The following SMG6 variants were observed in gnomAD, a reference collection of about 807,000 sequenced individuals.
The protein encoded by SMG6 is SMG6 nonsense mediated mRNA decay factor, also known as telomerase-binding protein EST1A.
A neutral mutation model predicts 142.2 loss-of-function variants in SMG6; 66 were observed. That is an observed-to-expected ratio of 0.46 (90% CI 0.38 to 0.57). SMG6 has a LOEUF of 0.57. SMG6 is among the 20% of genes least tolerant of loss of function. The pLI is 0.00. For missense variants in SMG6, 1,793 were observed against 1,832.0 expected, an observed-to-expected ratio of 0.98 and a Z score of 0.39; for synonymous variants, 779 against 702.4, an observed-to-expected ratio of 1.11 and a Z score of -1.72.
At chr17:2,281,618 C>T (rs1048610320) in intron 8 of SMG6, among the ~76,000 whole-genome samples, 1 of 152,176 alleles carries the variant, frequency 6.6e-6, no homozygotes, top group Non-Finnish European at 1.5e-5. Context: ...TACTCTTCTC[C>T]AAACATTTTA....
chr17:2,069,301 G>A (rs757331726), intron 15 of SMG6, among the ~76,000 whole-genome samples: 23 of 152,130 alleles, frequency 1.5e-4, no homozygotes, highest in Non-Finnish European at 1.6e-4. Context: ...GCCTACAGAG[G>A]AGGTACTTTT....
At chr17:2,116,818 T>C (rs551323038) in intron 13 of SMG6, among the ~76,000 whole-genome samples, 12 of 150,934 alleles carry the variant, frequency 8.0e-5, no homozygotes, top group East Asian at 2.0e-4. Context: ...CTATCCAACA[T>C]AGGACTTATA....
At position 2,187,743 on chromosome 17, in the gene SMG6, T is replaced by TA. The variant is rs35269327; in HGVS notation, c.2986+655dup. Among the ~76,000 whole-genome samples the TA allele has an allele frequency of 3.2e-3, 436 of 138,238 alleles. 2 individuals are homozygous for TA. The highest frequency in any genetic ancestry group is 7.0e-3 in the African/African-American group (263 of 37,678). The allele number at this position is 138,238 out of a possible 152,430, so 90.7% of individuals were successfully genotyped here. ...AAATAAAAAGTTGCCCTTCTGTCCC[T>TA]AAAAAAAAAAAAGGCAGCCTCCGAA... On this transcript the variant is annotated intron_variant, in intron 11 of 18. Transcript: ENST00000263073.
At chr17:2,152,737 A>G (rs2070865647) in intron 13 of SMG6, among the ~76,000 whole-genome samples, 1 of 152,372 alleles carries the variant, frequency 6.6e-6, no homozygotes, top group South Asian at 2.1e-4. Context: ...AATACGGTGC[A>G]GCCACTTTGT....
At chr17:2,279,716 G>T (rs1290781935) in intron 8 of SMG6, among the ~76,000 whole-genome samples, 1 of 152,082 alleles carries the variant, frequency 6.6e-6, no homozygotes, top group East Asian at 1.9e-4. Context: ...CTGGATGTGG[G>T]GACAGAGGAA....
intron 13 of SMG6, chr17:2,087,646 T>C: frequency 4.8e-5 from 48 of 997,094 alleles, no homozygotes; most frequent in Non-Finnish European, 5.6e-5. Context: ...AAGCTTGTCT[T>C]GGCCCAGGGC....
intron 8 of SMG6, among the ~76,000 whole-genome samples, chr17:2,258,060 C>T (rs202111724): frequency 0.35 from 33,034 of 95,338 alleles, 6,297 homozygotes; most frequent in East Asian, 0.63. Flanking sequence ...CACACACACA[C>T]ACACACATAT....
chr17:2,281,343 G>T (rs938452194), intron 8 of SMG6, among the ~76,000 whole-genome samples: 1 of 152,106 alleles, frequency 6.6e-6, no homozygotes, highest in African/African-American at 2.4e-5. Flanking sequence ...TGACCAGGCT[G>T]GTACTGAATT....
At chr17:2,303,586 A>AGGCGGGGCGGGCAGGCCCGGCCCAGG (rs2075340216) in intron 1 of SMG6, 47 bp downstream of exon 1, 2 of 1,373,058 alleles carry the variant, frequency 1.5e-6, no homozygotes, top group Non-Finnish European at 1.9e-6. Context: ...GAGGAGAGGG[A>AGGCGGGGCGGGCAGGCCCGGCCCAGG]GGCGGGGCGG....
At chr17:2,114,789 C>T (rs572041539) in intron 13 of SMG6, among the ~76,000 whole-genome samples, 37 of 151,628 alleles carry the variant, frequency 2.4e-4, no homozygotes, top group Admixed American at 7.2e-4. Flanking sequence ...ATCAGTTGGG[C>T]GTGGTGGCAG....
chr17:2,103,532 T>G (rs1246597578), intron 13 of SMG6, among the ~76,000 whole-genome samples: 1 of 152,228 alleles, frequency 6.6e-6, no homozygotes, highest in African/African-American at 2.4e-5. Flanking sequence ...CTGTCCAAAC[T>G]AAGTTTTTGG....
intron 10 of SMG6, among the ~76,000 whole-genome samples, chr17:2,206,427 A>G (rs1232178082): frequency 6.6e-6 from 1 of 150,972 alleles, no homozygotes; most frequent in Non-Finnish European, 1.5e-5. Context: ...TAAATAAATA[A>G]AATTAGTTGG....
intron 13 of SMG6, chr17:2,095,126 GA>G (rs2068822672): frequency 6.6e-6 from 1 of 152,242 alleles, no homozygotes; most frequent in Non-Finnish European, 1.5e-5. Context: ...CTGAAACCTG[GA>G]ACACAGGCGC....
intron 1 of SMG6, 89 bp from the exon 2 acceptor site, chr17:2,300,753 G>T: frequency 1.6e-6 from 2 of 1,257,706 alleles, no homozygotes; most frequent in South Asian, 1.6e-5. Context: ...TTCTGGTTAA[G>T]TAACAAAAAA....
intron 12 of SMG6, among the ~76,000 whole-genome samples, chr17:2,184,657 C>CAA (rs150364302): frequency 1.8e-3 from 95 of 52,638 alleles, no homozygotes; most frequent in South Asian, 4.7e-3. Context: ...AACTCCGTCT[C>CAA]AAAAAAAAAA....
intron 6 of SMG6, among the ~76,000 whole-genome samples, chr17:2,289,676 TGAGG>T (rs1380348897): frequency 6.6e-6 from 1 of 151,982 alleles, no homozygotes; most frequent in Non-Finnish European, 1.5e-5. Context: ...AGTGTGAGGC[TGAGG>T]TAGGTGGATC....
At chr17:2,292,401 T>C in intron 6 of SMG6, 151 bp downstream of exon 6, 1 of 753,016 alleles carries the variant, frequency 1.3e-6, no homozygotes, top group Non-Finnish European at 2.2e-6. Flanking sequence ...AACTTAATTC[T>C]GAGAGTAACC....
intron 6 of SMG6, among the ~76,000 whole-genome samples, chr17:2,289,345 C>G (rs1282240870): frequency 6.6e-6 from 1 of 152,004 alleles, no homozygotes; most frequent in African/African-American, 2.4e-5. Context: ...CACTTGAGGC[C>G]AGGAGTTCCA....
intron 6 of SMG6, among the ~76,000 whole-genome samples, chr17:2,288,387 A>T (rs1675698): frequency 4.6e-5 from 7 of 151,792 alleles, no homozygotes; most frequent in Admixed American, 3.3e-4. Context: ...TGGGAGGCTG[A>T]GGCAGGTGGC....
Sources: allele counts gnomAD v4.1 joint callset (sites outside exome capture counted in the v4.1 genomes callset), GRCh38; gene constraint gnomAD v4.1.1; transcripts MANE v1.5; gene names NCBI Gene and HGNC (gene_info 2026-07-23, HGNC 2026-07-21).